Variants in CDK14 observed in about 807,000 individuals in gnomAD.
The protein encoded by CDK14 is cyclin dependent kinase 14.
CDK14 carries 34 observed loss-of-function variants against 60.7 expected under a neutral mutation model. The ratio of observed to expected loss-of-function variants is 0.56; its 90% CI spans 0.43 to 0.75. The LOEUF (loss-of-function observed/expected upper bound fraction) is 0.75, where lower values mean the gene tolerates loss of function less well. Ranked by LOEUF, CDK14 falls within the 30% of genes least tolerant of loss-of-function variation. The probability of loss-of-function intolerance (pLI) is 0.00; values close to 1 mark genes in which losing one functional copy is unlikely to be tolerated. For synonymous variants in CDK14, 197 were observed against 203.7 expected (o/e 0.97, Z 0.28); for missense variants, 482 against 564.1 (o/e 0.85, Z 1.47).
At chr7:90,842,660 G>T (rs1790337207) in intron 5 of CDK14, among the ~76,000 whole-genome samples, 1 of 152,090 alleles carries the variant, frequency 6.6e-6, no homozygotes, top group South Asian at 2.1e-4. Context: ...ATGGCAGTTT[G>T]TTGCAAAATG....
At chr7:90,884,656 G>C (rs1791882585) in intron 6 of CDK14, among the ~76,000 whole-genome samples, 1 of 152,110 alleles carries the variant, frequency 6.6e-6, no homozygotes, top group South Asian at 2.1e-4. Flanking sequence ...AACAAAGCTG[G>C]AGGCATCACG....
At chr7:90,743,354 A>G (rs190122805) in intron 3 of CDK14, among the ~76,000 whole-genome samples, 37 of 152,236 alleles carry the variant, frequency 2.4e-4, no homozygotes, top group Admixed American at 1.8e-3. Context: ...TATAGTCTTA[A>G]TTTCTAATTT....
chr7:90,926,931 AT>A lies in CDK14; in HGVS notation c.826+9208del, dbSNP rs895661459. Among the ~76,000 whole-genome samples, 7 of 152,056 alleles carry A rather than the reference AT, an allele frequency of 4.6e-5. No individual in the cohort carries two copies. The East Asian group carries it at 5.8e-4, about 13-fold the overall frequency. Reference sequence around the variant, plus strand: ...ACAGCACTCAGGAACACATTTGCTTATATTTTCTGGTTGACTATAAAGGATA... The same window carrying A: ...ACAGCACTCAGGAACACATTTGCTTAATTTTCTGGTTGACTATAAAGGATA... On this transcript the variant is annotated intron_variant, in intron 8 of 14. Transcript: ENST00000380050.
chr7:90,994,720 C>T (rs979627420), intron 10 of CDK14, among the ~76,000 whole-genome samples: 3 of 152,184 alleles, frequency 2.0e-5, no homozygotes, highest in Admixed American at 6.5e-5. Context: ...AGTGTTACTT[C>T]GTGGGTCATG....
chr7:91,072,282 C>T (rs1459346589), intron 11 of CDK14, among the ~76,000 whole-genome samples: 1 of 152,118 alleles, frequency 6.6e-6, no homozygotes, highest in Non-Finnish European at 1.5e-5. Flanking sequence ...AGGTAGGTGC[C>T]CCTTGAGGTC....
At chr7:91,185,479 A>ATGAGATTT (rs1802147375) in intron 14 of CDK14, among the ~76,000 whole-genome samples, 1 of 152,072 alleles carries the variant, frequency 6.6e-6, no homozygotes. Flanking sequence ...AATCTCACTT[A>ATGAGATTT]CCATATAGAA....
intron 2 of CDK14, among the ~76,000 whole-genome samples, chr7:90,700,574 A>G (rs1262039115): frequency 6.6e-6 from 1 of 152,164 alleles, no homozygotes; most frequent in Non-Finnish European, 1.5e-5. Flanking sequence ...ATGATATTAC[A>G]AAAGTTCTTT....
In CDK14 at chr7:91,031,571, T is replaced by C. The variant is rs957114486; in HGVS notation, c.1042-14326T>C. 4.6e-5 allele frequency among the ~76,000 whole-genome samples: 7 copies of C among 152,274 alleles called. No individual in the cohort carries two copies. In the East Asian group the frequency reaches 1.3e-3, roughly 29 times the overall value. On this transcript the variant is annotated intron_variant, in intron 10 of 14. Coordinates refer to ENST00000380050, the MANE Select transcript of CDK14 (RefSeq NM_001287135.2). ...TGATTCAGGATGGAGCTTACTTCAC[T>C]TGGGGGAGGTCAGGAGATTGCATGG...
intron 3 of CDK14, among the ~76,000 whole-genome samples, chr7:90,734,029 G>T (rs1318225185): frequency 6.6e-6 from 1 of 152,140 alleles, no homozygotes; most frequent in Non-Finnish European, 1.5e-5. Context: ...CTCAGCATTT[G>T]CTTGTCTCTA....
rs1460337856 is a variant in CDK14 at position 90,978,841 on chromosome 7, TG to T, written c.948-5306del. Among the ~76,000 whole-genome samples the T allele has an allele frequency of 2.6e-5, 4 of 152,326 alleles. No homozygotes were observed. The East Asian group carries it at 7.7e-4, about 29-fold the overall frequency. ...ACAGGAAAACTGCTAAAGACAGTAGTGAAAAAACAGATCATATTTAAGAGAT... is the reference window on the plus strand; with the variant it reads ...ACAGGAAAACTGCTAAAGACAGTAGTAAAAAACAGATCATATTTAAGAGAT... On this transcript the variant is annotated intron_variant, in intron 9 of 14. Transcript: ENST00000380050.
At chr7:90,822,016 C>T (rs539868716) in intron 5 of CDK14, among the ~76,000 whole-genome samples, 34 of 152,284 alleles carry the variant, frequency 2.2e-4, no homozygotes, top group South Asian at 4.1e-4. Flanking sequence ...TAATCCCCTG[C>T]GGGTGAATCA....
At chr7:91,156,287 TC>T (rs1297900644) in intron 14 of CDK14, among the ~76,000 whole-genome samples, 1 of 152,198 alleles carries the variant, frequency 6.6e-6, no homozygotes, top group South Asian at 2.1e-4. Flanking sequence ...GGTTGATTTT[TC>T]CCCAAAATAT....
At chr7:90,923,841 T>C (rs909021399) in intron 8 of CDK14, among the ~76,000 whole-genome samples, 1 of 152,214 alleles carries the variant, frequency 6.6e-6, no homozygotes, top group Non-Finnish European at 1.5e-5. Context: ...GGATGTAAGT[T>C]AAAATATAGC....
chr7:90,661,380 T>A (rs1344153020), intron 2 of CDK14, among the ~76,000 whole-genome samples: 1 of 152,164 alleles, frequency 6.6e-6, no homozygotes, highest in Non-Finnish European at 1.5e-5. Context: ...TCTGGAATTT[T>A]GAGTACGTGA....
intron 2 of CDK14, among the ~76,000 whole-genome samples, chr7:90,637,961 G>C (rs561937744): frequency 5.6e-5 from 8 of 142,328 alleles, no homozygotes; most frequent in Non-Finnish European, 1.2e-4. Context: ...TGCAACCCCT[G>C]CCTTTTTTTG....
chr7:90,919,930 C>T (rs533776347), intron 8 of CDK14, among the ~76,000 whole-genome samples: 5 of 152,234 alleles, frequency 3.3e-5, no homozygotes, highest in African/African-American at 9.6e-5. Flanking sequence ...GCAGAAGGAT[C>T]GTGCCCATGC....
At chr7:90,750,919 A>G (rs74668516) in intron 4 of CDK14, among the ~76,000 whole-genome samples, 4,578 of 152,262 alleles carry the variant, frequency 0.03, 208 homozygotes, top group African/African-American at 0.1. Flanking sequence ...GAAAGCTTCA[A>G]TATCTTAGAC....
chr7:90,684,714 A>G (rs1166121805), intron 2 of CDK14, among the ~76,000 whole-genome samples: 1 of 152,146 alleles, frequency 6.6e-6, no homozygotes, highest in Non-Finnish European at 1.5e-5. Flanking sequence ...GGCATATCAA[A>G]GAATTTGGGT....
At chr7:90,767,973 T>C (rs139136434) in intron 4 of CDK14, among the ~76,000 whole-genome samples, 1 of 152,328 alleles carries the variant, frequency 6.6e-6, no homozygotes, top group African/African-American at 2.4e-5. Flanking sequence ...TGTTCTCATG[T>C]TTTTAGTCAC....
Sources: allele counts gnomAD v4.1 joint callset (sites outside exome capture counted in the v4.1 genomes callset), GRCh38; gene constraint gnomAD v4.1.1; transcripts MANE v1.5; gene names NCBI Gene and HGNC (gene_info 2026-07-23, HGNC 2026-07-21).